PINX1: variants seen among roughly 807,000 people sequenced by gnomAD.
PINX1 encodes PIN2 (TERF1) interacting telomerase inhibitor 1, also known as PIN2/TERF1-interacting telomerase inhibitor 1.
PINX1 carries 34 observed loss-of-function variants against 25.4 expected under a neutral mutation model. That is an observed-to-expected ratio of 1.34 (90% CI 1.02 to 1.78). The LOEUF is 1.78. Ranked by LOEUF, PINX1 falls within the 40% of genes most tolerant of loss-of-function variation. The pLI is 0.00. For synonymous variants in PINX1, 197 were observed against 147.7 expected (o/e 1.33, Z -2.42); for missense variants, 592 against 404.9 (o/e 1.46, Z -3.97).
intron 6 of PINX1, among the ~76,000 whole-genome samples, chr8:10,790,637 G>C (rs983872232): frequency 2.6e-5 from 4 of 152,116 alleles, no homozygotes; most frequent in African/African-American, 9.7e-5. Context: ...TTTGGGTCTT[G>C]CCACCACTGA....
intron 6 of PINX1, among the ~76,000 whole-genome samples, chr8:10,782,606 C>G (rs1159844177): frequency 1.3e-5 from 2 of 152,102 alleles, no homozygotes; most frequent in Non-Finnish European, 2.9e-5. Flanking sequence ...CGTGGTGGCT[C>G]ACGCCTGTAA....
In PINX1 at chr8:10,831,588, T is replaced by C. The variant is rs1004819394; in HGVS notation, c.301+77A>G. 1.3e-5 allele frequency: 11 copies of C among 873,458 alleles called. No individual in the cohort carries two copies. The African/African-American group carries it at 1.8e-4, about 14-fold the overall frequency. 54.1% of individuals were successfully genotyped at this position (873,458 alleles called of 1,614,324 possible). On this transcript the variant is annotated intron_variant, in intron 4 of 6. Transcript: ENST00000314787. ...TAAATATGTATAATTATGTGTCAAC[T>C]AAAAATAATAAAAGCAAAAAACAAA...
chr8:10,766,770 T>C (rs1398399918), intron 6 of PINX1, among the ~76,000 whole-genome samples: 1 of 152,206 alleles, frequency 6.6e-6, no homozygotes, highest in East Asian at 1.9e-4. Context: ...TAAGAAAAAA[T>C]GTGAAAAATG....
chr8:10,811,715 C>A (rs1009802845), intron 6 of PINX1, among the ~76,000 whole-genome samples: 2 of 152,164 alleles, frequency 1.3e-5, no homozygotes, highest in Non-Finnish European at 2.9e-5. Context: ...GGTCTCTCCA[C>A]GGGGGCTTGC....
chr8:10,811,763 C>A (rs1373216682), intron 6 of PINX1, among the ~76,000 whole-genome samples: 2 of 152,106 alleles, frequency 1.3e-5, no homozygotes, highest in Non-Finnish European at 2.9e-5. Context: ...GGGCTCGGGG[C>A]AGCTGGACTA....
chr8:10,803,678 T>C (rs1285890708), intron 6 of PINX1, among the ~76,000 whole-genome samples: 1 of 152,130 alleles, frequency 6.6e-6, no homozygotes, highest in East Asian at 1.9e-4. Context: ...GCAGGAAGAG[T>C]TCAGATTTAT....
chr8:10,839,780 G>T lies in PINX1; in HGVS notation c.-24C>A. On this transcript the variant is annotated 5_prime_UTR_variant, in exon 1 of 7. Coordinates refer to ENST00000314787, the MANE Select transcript of PINX1 (RefSeq NM_017884.6). ...ATGTCGGAGAGCCTGTGATACCGCC[G>T]CCTCTGGACCTGGGTGACTGCGGCC... 6.3e-7 allele frequency: 1 copy of T among 1,599,212 alleles called. No individual in the cohort carries two copies. The highest frequency in any genetic ancestry group is 2.3e-5 in the East Asian group (1 of 44,182).
intron 6 of PINX1, among the ~76,000 whole-genome samples, chr8:10,814,746 C>G (rs1797644684): frequency 6.6e-6 from 1 of 152,106 alleles, no homozygotes; most frequent in South Asian, 2.1e-4. Context: ...TTTATGGCAA[C>G]AAAGTCCATT....
intron 6 of PINX1, among the ~76,000 whole-genome samples, chr8:10,797,125 G>A (rs896131583): frequency 2.6e-5 from 4 of 152,116 alleles, no homozygotes; most frequent in African/African-American, 9.7e-5. Context: ...GAGTGTTGCT[G>A]CCGTGGAGGG....
At chr8:10,790,046 G>C (rs1389692785) in intron 6 of PINX1, among the ~76,000 whole-genome samples, 1 of 152,170 alleles carries the variant, frequency 6.6e-6, no homozygotes, top group Non-Finnish European at 1.5e-5. Context: ...CCAAGCGGCA[G>C]GTCCTGACCC....
intron 6 of PINX1, among the ~76,000 whole-genome samples, chr8:10,796,388 G>A (rs1802085627): frequency 6.6e-6 from 1 of 152,096 alleles, no homozygotes; most frequent in Non-Finnish European, 1.5e-5. Flanking sequence ...AATCCGATGA[G>A]TTCCATTTCT....
intron 6 of PINX1, among the ~76,000 whole-genome samples, chr8:10,813,088 A>C (rs1475151239): frequency 6.6e-6 from 1 of 152,242 alleles, no homozygotes; most frequent in Non-Finnish European, 1.5e-5. Context: ...AATGATGACA[A>C]GAATTACTGA....
intron 6 of PINX1, among the ~76,000 whole-genome samples, chr8:10,793,346 G>C (rs1282108816): frequency 6.6e-6 from 1 of 152,180 alleles, no homozygotes; most frequent in African/African-American, 2.4e-5. Context: ...TTTTCACCTA[G>C]ACCAGGGGTG....
At chr8:10,831,517 ACAT>A in intron 4 of PINX1, 145 bp downstream of exon 4, 1 of 624,280 alleles carries the variant, frequency 1.6e-6, no homozygotes, top group Admixed American at 2.3e-5. Flanking sequence ...ACACATGTGT[ACAT>A]TACAAATTGT....
At position 10,820,184 on chromosome 8, in the gene PINX1, G is replaced by C. The variant is rs750297332; in HGVS notation, c.471+9C>G. On this transcript the variant is annotated intron_variant, in intron 6 of 6. Coordinates refer to ENST00000314787, the MANE Select transcript of PINX1 (RefSeq NM_017884.6). ...AAGCGGAACACGGAAACTGTACGTG[G>C]CTTTATACCTCGGGAGTCTTCTTAC... 2 of 1,574,020 alleles carry C rather than the reference G, an allele frequency of 1.3e-6. No individual in the cohort carries two copies. Among genetic ancestry groups the C allele is most frequent in the South Asian group, 1.1e-5 (1 of 90,026 alleles).
At chr8:10,818,189 G>T (rs1019740545) in intron 6 of PINX1, among the ~76,000 whole-genome samples, 5 of 152,144 alleles carry the variant, frequency 3.3e-5, no homozygotes, top group African/African-American at 1.2e-4. Flanking sequence ...AGAGAGAGAT[G>T]TGACTAATGG....
At chr8:10,791,319 C>A (rs1228771618) in intron 6 of PINX1, among the ~76,000 whole-genome samples, 1 of 152,200 alleles carries the variant, frequency 6.6e-6, no homozygotes, top group Admixed American at 6.5e-5. Flanking sequence ...GCAGCTAAAG[C>A]ATCTGAAGCC....
intron 6 of PINX1, among the ~76,000 whole-genome samples, chr8:10,784,193 C>A (rs758628700): frequency 6.6e-6 from 1 of 152,182 alleles, no homozygotes; most frequent in African/African-American, 2.4e-5. Flanking sequence ...AGGGAGGACA[C>A]AGGGGATGAG....
chr8:10,776,021 T>C (rs935910488), intron 6 of PINX1, among the ~76,000 whole-genome samples: 2 of 152,182 alleles, frequency 1.3e-5, no homozygotes, highest in African/African-American at 4.8e-5. Flanking sequence ...GGAATCCACT[T>C]TGAAAATCAA....
Sources: gnomAD v4.1 joint callset for allele counts (sites outside exome capture counted in the v4.1 genomes callset) on GRCh38, gnomAD v4.1.1 for gene constraint, MANE v1.5 for transcripts, NCBI Gene and HGNC (gene_info 2026-07-23, HGNC 2026-07-21) for gene names.